CNTNAP2: variants seen among roughly 807,000 people sequenced by gnomAD.
The protein encoded by CNTNAP2 is contactin associated protein 2, also known as contactin-associated protein-like 2.
In CNTNAP2, 98 loss-of-function variants were observed where a neutral mutation model predicts 155.2. The observed-to-expected ratio is 0.63, with a 90% CI of 0.54 to 0.75. CNTNAP2 has a LOEUF of 0.75. Among genes scored for constraint, CNTNAP2 ranks in the 30% least tolerant of loss-of-function variants. CNTNAP2 has a pLI of 0.00. For synonymous variants in CNTNAP2, 651 were observed against 631.2 expected (o/e 1.03, Z -0.47); for missense variants, 1,727 against 1,688.1 (o/e 1.02, Z -0.40).
At chr7:146,952,960 T>A (rs1797352643) in intron 3 of CNTNAP2, among the ~76,000 whole-genome samples, 1 of 152,096 alleles carries the variant, frequency 6.6e-6, no homozygotes, top group Admixed American at 6.6e-5. Flanking sequence ...TTATTGTAAG[T>A]GACAGTCCTC....
chr7:147,617,296 A>G (rs920446739), intron 12 of CNTNAP2, among the ~76,000 whole-genome samples: 4 of 152,120 alleles, frequency 2.6e-5, no homozygotes, highest in Non-Finnish European at 4.4e-5. Flanking sequence ...TCTATTTTGT[A>G]GTCTTAAGCT....
intron 8 of CNTNAP2, among the ~76,000 whole-genome samples, chr7:147,132,904 C>T (rs568747553): frequency 5.3e-5 from 8 of 152,046 alleles, no homozygotes; most frequent in African/African-American, 1.4e-4. Flanking sequence ...CTATTAGTAA[C>T]AAGATTATAC....
intron 2 of CNTNAP2, among the ~76,000 whole-genome samples, chr7:146,816,579 A>G (rs893584597): frequency 6.6e-6 from 1 of 152,224 alleles, no homozygotes; most frequent in South Asian, 2.1e-4. Flanking sequence ...ACTTGGGCGT[A>G]TACCACTAAA....
chr7:146,517,904 A>G (rs1216394932), intron 1 of CNTNAP2, among the ~76,000 whole-genome samples: 3 of 151,912 alleles, frequency 2.0e-5, no homozygotes, highest in Non-Finnish European at 4.4e-5. Flanking sequence ...GCCATGACTT[A>G]TTTAAACATT....
At chr7:147,116,680 T>A (rs1488315285) in intron 5 of CNTNAP2, among the ~76,000 whole-genome samples, 1 of 150,860 alleles carries the variant, frequency 6.6e-6, no homozygotes, top group Non-Finnish European at 1.5e-5. Flanking sequence ...GACTGAATTG[T>A]CCAAACAACC....
At chr7:146,439,544 G>A (rs895992081) in intron 1 of CNTNAP2, among the ~76,000 whole-genome samples, 1 of 151,356 alleles carries the variant, frequency 6.6e-6, no homozygotes, top group East Asian at 1.9e-4. Flanking sequence ...TGTATGTTCT[G>A]TCCAAATCTC....
At chr7:147,790,377 G>T (rs979707677) in intron 13 of CNTNAP2, among the ~76,000 whole-genome samples, 1 of 152,204 alleles carries the variant, frequency 6.6e-6, no homozygotes, top group Non-Finnish European at 1.5e-5. Flanking sequence ...CTTAATGCCT[G>T]CATAGAGGAA....
At chr7:148,203,081 C>T (rs1413393145) in intron 18 of CNTNAP2, among the ~76,000 whole-genome samples, 1 of 152,060 alleles carries the variant, frequency 6.6e-6, no homozygotes, top group Non-Finnish European at 1.5e-5. Flanking sequence ...TGAATCTTTG[C>T]TTTTTAATTA....
chr7:148,067,086 G>A (rs963228623), intron 15 of CNTNAP2, among the ~76,000 whole-genome samples: 12 of 151,970 alleles, frequency 7.9e-5, no homozygotes, highest in African/African-American at 2.4e-4. Context: ...TCAACCTACC[G>A]AATTATTTTT....
intron 14 of CNTNAP2, among the ~76,000 whole-genome samples, chr7:147,964,910 G>A (rs947692432): frequency 1.3e-5 from 2 of 152,142 alleles, no homozygotes; most frequent in Non-Finnish European, 2.9e-5. Flanking sequence ...AACCAATATA[G>A]ATCAAATATC....
At chr7:147,694,854 A>AT (rs201752795) in intron 13 of CNTNAP2, among the ~76,000 whole-genome samples, 2,496 of 152,068 alleles carry the variant, frequency 0.016, 218 homozygotes, top group Admixed American at 0.15. Flanking sequence ...AATTTTCATT[A>AT]CTTTTTTTTC....
At chr7:146,811,100 C>A (rs1803058120) in intron 2 of CNTNAP2, among the ~76,000 whole-genome samples, 1 of 152,074 alleles carries the variant, frequency 6.6e-6, no homozygotes, top group African/African-American at 2.4e-5. Context: ...ATTTTCTTTT[C>A]TTGTAGCATC....
At chr7:147,210,713 G>GA (rs1448621831) in intron 8 of CNTNAP2, among the ~76,000 whole-genome samples, 1 of 151,784 alleles carries the variant, frequency 6.6e-6, no homozygotes, top group Admixed American at 6.6e-5. Flanking sequence ...CTAATTTTTT[G>GA]AGGTAAGTTT....
rs13239717 is a variant in CNTNAP2, at chr7:146,605,083, A to G, written c.98-169188A>G. On this transcript the variant is annotated intron_variant, in intron 1 of 23. Coordinates refer to ENST00000361727, the MANE Select transcript of CNTNAP2 (RefSeq NM_014141.6). ...AAAACTTAAAGTATAATAAAAAAAA[A>G]CAACAAAAAAAAAAAGAAAAAAAAA... is the stretch of plus-strand genomic sequence containing the variant. 4.4e-3 allele frequency among the ~76,000 whole-genome samples: 568 copies of G among 129,452 alleles called. 13 individuals are homozygous for G. The highest frequency in any genetic ancestry group is 0.017 in the African/African-American group (515 of 30,062). The allele number at this position is 129,452 out of a possible 152,430, so 84.9% of individuals were successfully genotyped here.
At chr7:147,086,631 G>T in intron 4 of CNTNAP2, among the ~76,000 whole-genome samples, 1 of 151,962 alleles carries the variant, frequency 6.6e-6, no homozygotes, top group South Asian at 2.1e-4. Flanking sequence ...TGGAGACAGG[G>T]TCTCTCTATG....
At chr7:147,060,044 C>T (rs1335191972) in intron 4 of CNTNAP2, among the ~76,000 whole-genome samples, 1 of 152,082 alleles carries the variant, frequency 6.6e-6, no homozygotes, top group Non-Finnish European at 1.5e-5. Flanking sequence ...TAGGAACTAT[C>T]TTCATTTTAA....
chr7:146,899,541 T>A (rs1461037723), intron 3 of CNTNAP2, among the ~76,000 whole-genome samples: 1 of 152,208 alleles, frequency 6.6e-6, no homozygotes, highest in African/African-American at 2.4e-5. Flanking sequence ...AATTTCACTT[T>A]AACAATTCAG....
chr7:147,643,289 T>G (rs1795314828), intron 13 of CNTNAP2: 1 of 152,160 alleles, frequency 6.6e-6, no homozygotes. Flanking sequence ...TAATAAAAAT[T>G]TTAAATCCTT....
At chr7:148,320,947 G>A (rs1797781742) in intron 21 of CNTNAP2, among the ~76,000 whole-genome samples, 1 of 152,220 alleles carries the variant, frequency 6.6e-6, no homozygotes, top group Non-Finnish European at 1.5e-5. Flanking sequence ...ATTCGTCAAT[G>A]AGTGGAGAGA....
Sources: gnomAD v4.1 joint callset for allele counts (sites outside exome capture counted in the v4.1 genomes callset) on GRCh38, gnomAD v4.1.1 for gene constraint, MANE v1.5 for transcripts, NCBI Gene and HGNC (gene_info 2026-07-23, HGNC 2026-07-21) for gene names.